TMEFF1: variants seen among roughly 807,000 people sequenced by gnomAD.
The protein encoded by TMEFF1 is transmembrane protein with EGF like and two follistatin like domains 1.
Under a neutral mutation model 47.5 loss-of-function variants are expected in TMEFF1, and 20 were observed. That is an observed-to-expected ratio of 0.42 (90% CI 0.30 to 0.61). The LOEUF (loss-of-function observed/expected upper bound fraction) is 0.61, where lower values mean the gene tolerates loss of function less well. Among genes scored for constraint, TMEFF1 ranks in the 20% least tolerant of loss-of-function variants. The pLI, the probability that TMEFF1 is intolerant of heterozygous loss-of-function variation, is 0.19. For missense variants in TMEFF1, 411 were observed against 471.1 expected, an observed-to-expected ratio of 0.87 and a Z score of 1.18; for synonymous variants, 162 against 166.3, an observed-to-expected ratio of 0.97 and a Z score of 0.20.
chr9:100,559,319 AAT>A (rs1420709139), intron 7 of TMEFF1, among the ~76,000 whole-genome samples: 1 of 152,176 alleles, frequency 6.6e-6, no homozygotes, highest in African/African-American at 2.4e-5. Flanking sequence ...TTGATGACAG[AAT>A]ATGTTTTCAT....
chr9:100,560,143 A>C (rs1587855804), intron 7 of TMEFF1, among the ~76,000 whole-genome samples: 3 of 152,012 alleles, frequency 2.0e-5, no homozygotes, highest in African/African-American at 7.2e-5. Context: ...AAATTTTATT[A>C]ATACCTTTTA....
chr9:100,490,836 GGTGT>G (rs10654628), intron 1 of TMEFF1, among the ~76,000 whole-genome samples: 15,779 of 136,066 alleles, frequency 0.12, 947 homozygotes, highest in Middle Eastern at 0.18. Flanking sequence ...TTATATGTAT[GGTGT>G]GTGTGTGTGT....
intron 8 of TMEFF1, among the ~76,000 whole-genome samples, chr9:100,563,740 C>T (rs907385717): frequency 6.6e-6 from 1 of 152,142 alleles, no homozygotes; most frequent in Non-Finnish European, 1.5e-5. Context: ...GTTTTGTTAA[C>T]CACTATTTTC....
intron 1 of TMEFF1, among the ~76,000 whole-genome samples, chr9:100,490,737 A>G (rs1391298269): frequency 2.0e-5 from 3 of 151,734 alleles, no homozygotes; most frequent in Non-Finnish European, 1.5e-5. Context: ...TAACCAATAT[A>G]GAAACTTGAA....
chr9:100,551,652 A>C (rs1459329559), intron 7 of TMEFF1, among the ~76,000 whole-genome samples: 1 of 152,226 alleles, frequency 6.6e-6, no homozygotes, highest in Non-Finnish European at 1.5e-5. Flanking sequence ...TTTACACATA[A>C]GAATTGATCT....
At chr9:100,494,236 G>T (rs1354348517) in intron 1 of TMEFF1, among the ~76,000 whole-genome samples, 1 of 150,360 alleles carries the variant, frequency 6.7e-6, no homozygotes, top group Admixed American at 6.6e-5. Context: ...AAAAAGTAAG[G>T]TGTCAGAGCA....
At chr9:100,476,918 G>T (rs1435437523) in intron 1 of TMEFF1, among the ~76,000 whole-genome samples, 1 of 151,724 alleles carries the variant, frequency 6.6e-6, no homozygotes, top group Admixed American at 6.6e-5. Flanking sequence ...GGATGGTCTC[G>T]ATCTCCTGAC....
intron 2 of TMEFF1, among the ~76,000 whole-genome samples, chr9:100,504,029 A>G (rs1301215156): frequency 6.6e-6 from 1 of 152,236 alleles, no homozygotes; most frequent in African/African-American, 2.4e-5. Context: ...AAATGCTTGA[A>G]TGGATGCAGT....
At chr9:100,516,551 T>A in intron 4 of TMEFF1, 124 bp from the exon 5 acceptor site, 1 of 1,234,214 alleles carries the variant, frequency 8.1e-7, no homozygotes, top group Non-Finnish European at 1.1e-6. Flanking sequence ...ATTTTGGAAG[T>A]GACTGTTTTC....
Position 100,528,467 on chromosome 9 carries a change from G to A in TMEFF1, c.560+11696G>A, listed in dbSNP as rs1391409298. On this transcript the variant is annotated intron_variant, in intron 5 of 9. Coordinates refer to ENST00000374879, the MANE Select transcript of TMEFF1 (RefSeq NM_003692.5). Reference sequence around the variant, plus strand: ...ATGCAGAAGCCTCAGGAGCCGATGCGATCAACTGGAAGAAAGGGTATCAGC... The same window carrying A: ...ATGCAGAAGCCTCAGGAGCCGATGCAATCAACTGGAAGAAAGGGTATCAGC... Among the ~76,000 whole-genome samples, 12 of 147,042 alleles carry A rather than the reference G, an allele frequency of 8.2e-5. No individual in the cohort carries two copies. The East Asian group carries it at 2.0e-3, about 24-fold the overall frequency.
chr9:100,559,144 G>A (rs1323258723), intron 7 of TMEFF1, among the ~76,000 whole-genome samples: 1 of 152,136 alleles, frequency 6.6e-6, no homozygotes. Context: ...CAGTCTTATG[G>A]TAGAGGCTGA....
At chr9:100,500,204 G>C (rs1279286846) in intron 2 of TMEFF1, among the ~76,000 whole-genome samples, 1 of 152,144 alleles carries the variant, frequency 6.6e-6, no homozygotes, top group East Asian at 1.9e-4. Flanking sequence ...CTGCTTTCAA[G>C]ATTTTTTCCT....
intron 5 of TMEFF1, among the ~76,000 whole-genome samples, chr9:100,536,716 G>C (rs1057248275): frequency 6.6e-6 from 1 of 152,080 alleles, no homozygotes; most frequent in African/African-American, 2.4e-5. Flanking sequence ...TAAGATTGTG[G>C]TACCAGGGCT....
intron 1 of TMEFF1, among the ~76,000 whole-genome samples, chr9:100,479,769 A>T (rs547124130): frequency 6.6e-6 from 1 of 152,122 alleles, no homozygotes; most frequent in Non-Finnish European, 1.5e-5. Context: ...CCATTTCTCT[A>T]CTGATGGATA....
rs775833946 is a variant in TMEFF1, at chr9:100,576,479, A to G, written c.1059-37A>G. On this transcript the variant is annotated intron_variant, in intron 9 of 9. Coordinates refer to ENST00000374879, the MANE Select transcript of TMEFF1 (RefSeq NM_003692.5). ...AAATATCCTGAACAAAATCATCAAA[A>G]CAATATTTTTCTCTCTTTCTTTTTT... 6 of 1,601,672 alleles carry G rather than the reference A, an allele frequency of 3.7e-6. No individual in the cohort carries two copies. The East Asian group carries it at 1.1e-4, about 30-fold the overall frequency.
At chr9:100,491,211 A>G (rs530236195) in intron 1 of TMEFF1, among the ~76,000 whole-genome samples, 4 of 152,224 alleles carry the variant, frequency 2.6e-5, no homozygotes, top group Admixed American at 2.0e-4. Context: ...CAGTATAGAG[A>G]TCATGGAATT....
At chr9:100,549,738 TG>T (rs1838798477) in intron 6 of TMEFF1, among the ~76,000 whole-genome samples, 1 of 152,052 alleles carries the variant, frequency 6.6e-6, no homozygotes, top group African/African-American at 2.4e-5. Context: ...AGGGTAACAG[TG>T]GTAGGAGAAG....
At chr9:100,530,428 T>A (rs998487562) in intron 5 of TMEFF1, among the ~76,000 whole-genome samples, 2 of 151,840 alleles carry the variant, frequency 1.3e-5, no homozygotes. Context: ...CACAGAAATA[T>A]AAACTACCAT....
intron 8 of TMEFF1, among the ~76,000 whole-genome samples, 177 bp from the exon 9 acceptor site, chr9:100,572,341 A>C (rs1167145514): frequency 6.6e-6 from 1 of 152,200 alleles, no homozygotes; most frequent in Admixed American, 6.5e-5. Flanking sequence ...CCATGTAGGC[A>C]TATCAGAAAG....
Sources: gnomAD v4.1 joint callset for allele counts (sites outside exome capture counted in the v4.1 genomes callset) on GRCh38, gnomAD v4.1.1 for gene constraint, MANE v1.5 for transcripts, NCBI Gene and HGNC (gene_info 2026-07-23, HGNC 2026-07-21) for gene names.